The following PPIP5K1 variants were observed in gnomAD, a reference collection of about 807,000 sequenced individuals.
PPIP5K1 encodes the protein diphosphoinositol pentakisphosphate kinase 1, also known as inositol hexakisphosphate and diphosphoinositol-pentakisphosphate kinase 1.
A neutral mutation model predicts 27.7 loss-of-function variants in PPIP5K1; 6 were observed. The ratio of observed to expected loss-of-function variants is 0.22; its 90% CI spans 0.12 to 0.43. PPIP5K1 has a LOEUF of 0.43. Ranked by LOEUF, PPIP5K1 falls within the 20% of genes least tolerant of loss-of-function variation. PPIP5K1 has a pLI of 1.00. For synonymous variants in PPIP5K1, 145 were observed against 242.6 expected (o/e 0.60, Z 3.74); for missense variants, 394 against 635.4 (o/e 0.62, Z 4.08).
At position 43,558,916 on chromosome 15, in the gene PPIP5K1, G is replaced by T. The variant is rs1403380433; in HGVS notation, c.3435C>A (p.Ser1145=). The change falls in exon 30 of 32, where the codon TCC becomes TCA. Residue 1145 remains serine (S), a synonymous_variant. Transcript: ENST00000420765. Reference sequence around the variant, plus strand: ...CCAGAGGGTAGATGGTAGGCACCATGGAACACCCTTCAAACCCTGTTTGAA... The same window carrying T: ...CCAGAGGGTAGATGGTAGGCACCATTGAACACCCTTCAAACCCTGTTTGAA... ...PECLYGFEGC[S]MVPTIYPLET... is the part of the protein sequence containing the mutation. 1.2e-6 allele frequency: 2 copies of T among 1,613,472 alleles called. No individual in the cohort carries two copies. Among genetic ancestry groups the T allele is most frequent in the African/African-American group, 2.7e-5 (2 of 74,838 alleles).
intron 31 of PPIP5K1, among the ~76,000 whole-genome samples, chr15:43,536,425 A>AT (rs1160224871): frequency 2.0e-5 from 3 of 152,086 alleles, no homozygotes; most frequent in African/African-American, 7.2e-5. Flanking sequence ...TCTCAGAAAA[A>AT]AAAAAAAAAA....
At chr15:43,572,992 GA>G (rs2084401835) in intron 22 of PPIP5K1, 41 bp downstream of exon 22, 2 of 219,912 alleles carry the variant, frequency 9.1e-6, no homozygotes, top group Non-Finnish European at 1.7e-5. Flanking sequence ...AGAATGCTGG[GA>G]AAAAGCTGTT....
chr15:43,549,052 A>AC (rs1448248229), intron 30 of PPIP5K1, among the ~76,000 whole-genome samples: 1 of 75,820 alleles, frequency 1.3e-5, no homozygotes, highest in Non-Finnish European at 2.1e-5. Flanking sequence ...AAAAAAAAAA[A>AC]AAAAATATAT....
In PPIP5K1 at chr15:43,534,831, G is replaced by A. The variant is rs2079614109; in HGVS notation, c.4316C>T (p.Pro1439Leu). 6.2e-7 allele frequency: 1 copy of A among 1,612,324 alleles called. No individual in the cohort carries two copies. Among genetic ancestry groups the A allele is most frequent in the African/African-American group, 1.3e-5 (1 of 74,904 alleles). ...AACCTCCACAGAGAACTCCTGGTAT[G>A]GCTGGATGACCTCCTCAGGGATCTC... is the stretch of plus-strand genomic sequence containing the variant. ...AEEIPEEVIQPYQEFSVEVGR... is the reference protein window; with the variant it reads ...AEEIPEEVIQLYQEFSVEVGR... The change falls in exon 32 of 32, where the codon CCA (proline) becomes CTA (leucine). Residue 1439 changes from proline (P) to leucine (L), a missense_variant. Physicochemically the swap from Pro to Leu is moderately conservative, Grantham distance 98. Coordinates refer to ENST00000420765, the MANE Select transcript of PPIP5K1 (RefSeq NM_001394395.1).
At chr15:43,536,291 T>G in intron 31 of PPIP5K1, 1 of 321,272 alleles carries the variant, frequency 3.1e-6, no homozygotes, top group Non-Finnish European at 6.0e-6. Context: ...TAGTGGCGGC[T>G]GTCTGTAATC....
At chr15:43,538,792 G>A (rs753284053) in intron 31 of PPIP5K1, among the ~76,000 whole-genome samples, 4 of 150,908 alleles carry the variant, frequency 2.7e-5, no homozygotes, top group Non-Finnish European at 4.4e-5. Flanking sequence ...GATTACAGGC[G>A]TGAGCCATCA....
intron 30 of PPIP5K1, among the ~76,000 whole-genome samples, chr15:43,544,653 G>C (rs2081148004): frequency 6.7e-6 from 1 of 150,310 alleles, no homozygotes; most frequent in East Asian, 1.9e-4. Flanking sequence ...AAAATTATCT[G>C]GGCATGGTGG....
intron 30 of PPIP5K1, among the ~76,000 whole-genome samples, chr15:43,546,049 T>G (rs1052851699): frequency 6.6e-6 from 1 of 152,130 alleles, no homozygotes; most frequent in Non-Finnish European, 1.5e-5. Context: ...CATTCCATCC[T>G]ACTCCCAAAC....
At chr15:43,554,634 G>C (rs2254937) in intron 30 of PPIP5K1, among the ~76,000 whole-genome samples, 119,400 of 141,926 alleles carry the variant, frequency 0.84, 48,501 homozygotes, top group East Asian at 0.96. Flanking sequence ...CACACACACA[G>C]ACACACACAC....
chr15:43,539,526 C>T lies in PPIP5K1; in HGVS notation c.3614G>A (p.Arg1205His), dbSNP rs143339052. The change falls in exon 31 of 32, where the codon CGT (arginine) becomes CAT (histidine). Residue 1205 changes from arginine to histidine, a missense_variant. Arg to His is a conservative substitution (Grantham distance 29, BLOSUM62 0). Around this residue, in one of 4 missense-constraint regions of PPIP5K1, gnomAD observed 379 missense variants for 423.9 expected, o/e 0.89. Coordinates refer to ENST00000420765, the MANE Select transcript of PPIP5K1 (RefSeq NM_001394395.1). The stretch of plus-strand genomic sequence containing the variant: ...TTGCAGGGGAGGTGAATGAAGAGTA[C>T]GTGGTGGAGAAAATGGGTTATCTGA... ...QASDNPFSPP[R>H]TLHSPPLQLQ... 1.2e-4 allele frequency: 191 copies of T among 1,609,944 alleles called. 4 individuals are homozygous for T. The highest frequency in any genetic ancestry group is 7.1e-4 in the East Asian group (32 of 44,822).
chr15:43,550,426 G>A (rs549152679), intron 30 of PPIP5K1, among the ~76,000 whole-genome samples: 1 of 152,232 alleles, frequency 6.6e-6, no homozygotes, highest in South Asian at 2.1e-4. Flanking sequence ...GAACACAGGC[G>A]TGAGCCACTG....
chr15:43,557,594 T>A (rs2083152810), intron 30 of PPIP5K1, among the ~76,000 whole-genome samples: 1 of 152,118 alleles, frequency 6.6e-6, no homozygotes, highest in Non-Finnish European at 1.5e-5. Context: ...TGATTTAAAA[T>A]GTGGTAGGGC....
Position 43,546,362 on chromosome 15 carries a change from T to A in PPIP5K1, c.3557-6779A>T, listed in dbSNP as rs2081368373. Among the ~76,000 whole-genome samples the A allele has an allele frequency of 5.9e-5, 9 of 152,320 alleles. No homozygotes were observed. In the South Asian group the frequency reaches 1.9e-3, roughly 32 times the overall value. ...TCAAGGCTGAAGTGCAGTGGTGTGA[T>A]CGTAGCTCACTGTAACCTTGAATTC... is the stretch of plus-strand genomic sequence containing the variant. On this transcript the variant is annotated intron_variant, in intron 30 of 31. Coordinates refer to ENST00000420765, the MANE Select transcript of PPIP5K1 (RefSeq NM_001394395.1).
chr15:43,559,145 G>A lies in PPIP5K1; in HGVS notation c.3419-213C>T, dbSNP rs2083445491. On this transcript the variant is annotated intron_variant, in intron 29 of 31. Transcript: ENST00000420765. ...ATTTCCTAAAACATCTACCTGCTAAGGCCTCAAGGTGAATCAAATCACCTT... is the reference window on the plus strand; with the variant it reads ...ATTTCCTAAAACATCTACCTGCTAAAGCCTCAAGGTGAATCAAATCACCTT... Among the ~76,000 whole-genome samples the A allele has an allele frequency of 2.0e-5, 3 of 152,134 alleles. No individual in the cohort carries two copies. In the South Asian group the frequency reaches 6.2e-4, roughly 32 times the overall value.
chr15:43,547,601 C>T (rs2081538495), intron 30 of PPIP5K1, among the ~76,000 whole-genome samples: 2 of 152,190 alleles, frequency 1.3e-5, no homozygotes, highest in Non-Finnish European at 2.9e-5. Context: ...CACCACTTAT[C>T]GAAGAGACTA....
At position 43,534,770 on chromosome 15, in the gene PPIP5K1, CAG is replaced by C. The variant is rs1566990343; in HGVS notation, c.4375_4376del (p.Leu1459ValfsTer7). 5 of 1,573,646 alleles carry C rather than the reference CAG, an allele frequency of 3.2e-6. No individual in the cohort carries two copies. The South Asian group carries it at 6.0e-5, about 19-fold the overall frequency. Reference sequence around the variant, plus strand: ...CAATCTCAGGGATGCCCTGAGATAACAGATTGATCGCAGAAGTCTCCTGGGCC... The same window carrying C: ...CAATCTCAGGGATGCCCTGAGATAACATTGATCGCAGAAGTCTCCTGGGCC... ...RLAQETSAINLLSQGIPEIDK... is the reference protein window; with the variant it reads ...RLAQETSAINXLSQGIPEIDK... On this transcript the variant is annotated frameshift_variant, in exon 32 of 32. Transcript: ENST00000420765. LOFTEE classifies it high-confidence loss of function.
intron 29 of PPIP5K1, among the ~76,000 whole-genome samples, chr15:43,559,697 T>C (rs560826072): frequency 1.3e-3 from 201 of 152,050 alleles, no homozygotes; most frequent in Non-Finnish European, 2.2e-3. Context: ...AATTCCAATG[T>C]AGGTCTATCA....
chr15:43,541,919 G>C (rs1342511826), intron 30 of PPIP5K1, among the ~76,000 whole-genome samples: 1 of 152,096 alleles, frequency 6.6e-6, no homozygotes, highest in East Asian at 1.9e-4. Flanking sequence ...ATTTTGTTAA[G>C]AATACTTTAA....
intron 30 of PPIP5K1, among the ~76,000 whole-genome samples, 156 bp downstream of exon 30, chr15:43,558,639 G>A (rs139240415): frequency 1.3e-3 from 202 of 152,266 alleles, no homozygotes; most frequent in Non-Finnish European, 2.2e-3. Flanking sequence ...TAACAGACAT[G>A]AACCACTGCG....
Sources: gnomAD v4.1 joint callset for allele counts (sites outside exome capture counted in the v4.1 genomes callset) on GRCh38, gnomAD v4.1.1 for gene constraint, gnomAD v4.1.1 regional missense constraint, MANE v1.5 for transcripts, NCBI Gene and HGNC (gene_info 2026-07-23, HGNC 2026-07-21) for gene names.